Variants in SYMPK observed in about 807,000 individuals in gnomAD.
SYMPK encodes the protein symplekin scaffold protein.
Under a neutral mutation model 136.4 loss-of-function variants are expected in SYMPK, and 49 were observed. The observed-to-expected ratio is 0.36, with a 90% CI of 0.29 to 0.46. SYMPK has a LOEUF of 0.46. SYMPK is among the 20% of genes least tolerant of loss of function. SYMPK has a pLI of 1.00. For missense variants in SYMPK, 1,365 were observed against 1,690.0 expected (o/e 0.81, Z 3.37); for synonymous variants, 766 against 713.0 (o/e 1.07, Z -1.19).
At chr19:45,826,163 C>T in intron 17 of SYMPK, 63 bp downstream of exon 17, 1 of 1,543,954 alleles carries the variant, frequency 6.5e-7, no homozygotes, top group Non-Finnish European at 8.8e-7. Context: ...ATCCCCTCTG[C>T]TCGCAGGGCC....
chr19:45,826,247 A>T lies in SYMPK; in HGVS notation c.2308T>A (p.Phe770Ile), dbSNP rs781096060. ...LVHPNPPSVL[F>I]GADKDTEVAA... ...CAACCTGTGTCCTTGTCAGCTCCAAACAGCACAGACGGTGGGTTGGGGTGC... is the reference window on the plus strand; with the variant it reads ...CAACCTGTGTCCTTGTCAGCTCCAATCAGCACAGACGGTGGGTTGGGGTGC... The change falls in exon 17 of 27, where the codon TTT (phenylalanine) becomes ATT (isoleucine). Residue 770 changes from phenylalanine (F) to isoleucine (I), a missense_variant. Transcript: ENST00000245934. The T allele has an allele frequency of 3.7e-6, 6 of 1,612,898 alleles. No individual in the cohort carries two copies.
At chr19:45,847,366 G>C (rs1166443731) in intron 7 of SYMPK, among the ~76,000 whole-genome samples, 1 of 151,730 alleles carries the variant, frequency 6.6e-6, no homozygotes, top group African/African-American at 2.4e-5. Context: ...GGAGGTTGCA[G>C]TGAGCTGAGA....
At chr19:45,851,322 T>C (rs1223823717) in intron 5 of SYMPK, among the ~76,000 whole-genome samples, 1 of 152,118 alleles carries the variant, frequency 6.6e-6, no homozygotes, top group Non-Finnish European at 1.5e-5. Context: ...ATGCCTGTAA[T>C]CCCCGCACTT....
chr19:45,848,787 A>G lies in SYMPK; in HGVS notation c.389T>C (p.Ile130Thr). Residue 130 changes from isoleucine (I) to threonine (T), a missense_variant, in exon 6 of 27, where the codon ATC becomes ACC. By Grantham distance (89) the Ile-to-Thr change is moderately conservative. Transcript: ENST00000245934. ...DENVNVVKKA[I>T]LTMTQLYKVA... ...CTTGTAGAGCTGGGTCATGGTGAGG[A>G]TAGCCTTCTTCACCACGTTCACATT... 6.2e-7 allele frequency: 1 copy of G among 1,613,950 alleles called. No individual in the cohort carries two copies. The highest frequency in any genetic ancestry group is 1.1e-5 in the South Asian group (1 of 91,062).
At chr19:45,825,066 T>C in intron 18 of SYMPK, 105 bp downstream of exon 18, 1 of 1,449,854 alleles carries the variant, frequency 6.9e-7, no homozygotes, top group South Asian at 1.3e-5. Context: ...TGACCACCCT[T>C]CGGGCTTGGC....
rs1382991826 is a variant in SYMPK at position 45,831,579 on chromosome 19, T to G, written c.1403A>C (p.Gln468Pro). 1 of 1,602,864 alleles carries G rather than the reference T, an allele frequency of 6.2e-7. No individual in the cohort carries two copies. Among genetic ancestry groups the G allele is most frequent in the Non-Finnish European group, 8.5e-7 (1 of 1,174,722 alleles). ...TAAGLGPGVE[Q>P]TKQCKEEPKE... ...GGGCTCCTCCTTGCACTGTTTGGTC[T>G]GCTCTACACCTGAGGGGGAGGCAGC... Residue 468 changes from glutamine (Q) to proline (P), a missense_variant, in exon 12 of 27, where the codon CAG (glutamine) becomes CCG (proline). Around this residue, in one of 11 missense-constraint regions of SYMPK, gnomAD observed 46 missense variants for 63.9 expected, o/e 0.72. Transcript: ENST00000245934.
intron 1 of SYMPK, among the ~76,000 whole-genome samples, chr19:45,859,047 C>T (rs1971898930): frequency 6.6e-6 from 1 of 151,974 alleles, no homozygotes; most frequent in South Asian, 2.1e-4. Flanking sequence ...TGCTTGGGAT[C>T]ACAAGTCTCA....
chr19:45,832,431 C>A (rs1971204362), intron 11 of SYMPK, among the ~76,000 whole-genome samples: 1 of 152,090 alleles, frequency 6.6e-6, no homozygotes, highest in Admixed American at 6.6e-5. Flanking sequence ...TGTGAGCCAC[C>A]ACACCCAGCC....
chr19:45,820,750 C>T (rs1970869386), intron 22 of SYMPK: 1 of 181,226 alleles, frequency 5.5e-6, no homozygotes, highest in African/African-American at 2.4e-5. Flanking sequence ...TTCTACCACA[C>T]CACTTAGCTT....
rs906563438 is a variant in SYMPK at position 45,831,594 on chromosome 19, G to C, written c.1394-6C>G. ...CTGTTTGGTCTGCTCTACACCTGAG[G>C]GGGAGGCAGCAAACAGACACCCAGT... On this transcript the variant is annotated splice_polypyrimidine_tract_variant and splice_region_variant and intron_variant, in intron 11 of 26. Coordinates refer to ENST00000245934, the MANE Select transcript of SYMPK (RefSeq NM_004819.3). 5 of 1,579,918 alleles carry C rather than the reference G, an allele frequency of 3.2e-6. No homozygotes were observed. The African/African-American group carries it at 5.4e-5, about 17-fold the overall frequency.
chr19:45,831,527 C>T lies in SYMPK; in HGVS notation c.1455G>A (p.Glu485=). ...EPKEEKVVKT[E]SVLIKRRLSA... ...ACAGGCGCCGCTTGATCAGGACGCTCTCTGTCTTCACCACCTTCTCCTCCT... is the reference window on the plus strand; with the variant it reads ...ACAGGCGCCGCTTGATCAGGACGCTTTCTGTCTTCACCACCTTCTCCTCCT... The change falls in exon 12 of 27, where the codon GAG becomes GAA. Residue 485 remains glutamate (E), a synonymous_variant. Coordinates refer to ENST00000245934, the MANE Select transcript of SYMPK (RefSeq NM_004819.3). 1 of 1,611,904 alleles carries T rather than the reference C, an allele frequency of 6.2e-7. No individual in the cohort carries two copies. Among genetic ancestry groups the T allele is most frequent in the East Asian group, 2.2e-5 (1 of 44,812 alleles).
chr19:45,815,533 C>A lies in SYMPK; in HGVS notation c.*27G>T. ...CCGTCCCCCAGCCCCGAGTCCCTGT[C>A]CCACCCCCTTTCCCCCTCGAGCCCC... On this transcript the variant is annotated 3_prime_UTR_variant, in exon 27 of 27. Transcript: ENST00000245934. 7 of 903,712 alleles carry A rather than the reference C, an allele frequency of 7.7e-6. No individual in the cohort carries two copies. Among genetic ancestry groups the A allele is most frequent in the South Asian group, 1.6e-5 (1 of 63,302 alleles). 56.0% of individuals were successfully genotyped at this position (903,712 alleles called of 1,614,324 possible).
Position 45,818,127 on chromosome 19 carries a change from C to G in SYMPK, c.2913G>C (p.Ala971=). 1 of 1,550,816 alleles carries G rather than the reference C, an allele frequency of 6.4e-7. No homozygotes were observed. The highest frequency in any genetic ancestry group is 8.7e-7 in the Non-Finnish European group (1 of 1,146,456). The change falls in exon 23 of 27, where the codon GCG becomes GCC. Residue 971 remains alanine, a synonymous_variant. Coordinates refer to ENST00000245934, the MANE Select transcript of SYMPK (RefSeq NM_004819.3). The stretch of plus-strand genomic sequence containing the variant: ...CCTCTGACGTGTACACGTTCCGCTC[C>G]GCAAAGCACAGGTTGGTGGCTGCGA... ...SIIKATNLCF[A]ERNVYTSEVL... is the part of the protein sequence containing the mutation.
At chr19:45,829,884 GTC>G (rs990293371) in intron 13 of SYMPK, among the ~76,000 whole-genome samples, 168 bp downstream of exon 13, 80 of 152,348 alleles carry the variant, frequency 5.3e-4, no homozygotes, top group African/African-American at 1.9e-3. Context: ...TGCTGCTACT[GTC>G]TCTGTTTTAT....
chr19:45,819,958 G>A (rs1970850650), intron 22 of SYMPK: 1 of 152,460 alleles, frequency 6.6e-6, no homozygotes, highest in Non-Finnish European at 1.5e-5. Flanking sequence ...TGCACGCCTG[G>A]GCGTGTTGAA....
chr19:45,835,447 G>A (rs77058742), intron 10 of SYMPK, among the ~76,000 whole-genome samples: 4,664 of 152,272 alleles, frequency 0.031, 231 homozygotes, highest in African/African-American at 0.11. Context: ...CACAGCAGGA[G>A]CCAGGCAAGG....
intron 7 of SYMPK, among the ~76,000 whole-genome samples, chr19:45,845,839 T>C (rs541368969): frequency 1.3e-5 from 2 of 152,336 alleles, no homozygotes; most frequent in Admixed American, 1.3e-4. Flanking sequence ...AGTGTTTCCC[T>C]TTCTCCACAT....
chr19:45,857,409 C>T (rs1166838274), intron 1 of SYMPK, among the ~76,000 whole-genome samples: 1 of 43,444 alleles, frequency 2.3e-5, no homozygotes, highest in Admixed American at 2.8e-4. Context: ...GACTCTGTCT[C>T]AAAAAAAAAA....
intron 23 of SYMPK, among the ~76,000 whole-genome samples, chr19:45,817,409 TTTG>T (rs1970774800): frequency 7.2e-6 from 1 of 139,142 alleles, no homozygotes; most frequent in Non-Finnish European, 1.5e-5. Flanking sequence ...GTTTGGTTTT[TTTG>T]TTCTCTTTTT....
Sources: allele counts gnomAD v4.1 joint callset (sites outside exome capture counted in the v4.1 genomes callset), GRCh38; gene constraint gnomAD v4.1.1; regional missense constraint gnomAD v4.1.1; transcripts MANE v1.5; gene names NCBI Gene and HGNC (gene_info 2026-07-23, HGNC 2026-07-21).